PAPPA2: variants seen among roughly 807,000 people sequenced by gnomAD.
PAPPA2 encodes pappalysin 2.
Under a neutral mutation model 176.4 loss-of-function variants are expected in PAPPA2, and 86 were observed. That is an observed-to-expected ratio of 0.49 (90% CI 0.41 to 0.58). The LOEUF (loss-of-function observed/expected upper bound fraction) is 0.58. PAPPA2 is among the 20% of genes least tolerant of loss of function. The pLI is 0.00. For synonymous variants in PAPPA2, 809 were observed against 852.2 expected, an observed-to-expected ratio of 0.95 and a Z score of 0.88; for missense variants, 2,073 against 2,256.9, an observed-to-expected ratio of 0.92 and a Z score of 1.65.
chr1:176,764,258 T>C (rs1229393250), intron 14 of PAPPA2, among the ~76,000 whole-genome samples: 1 of 152,112 alleles, frequency 6.6e-6, no homozygotes, highest in Non-Finnish European at 1.5e-5. Flanking sequence ...ATCCAAACCA[T>C]AGCAGAAGGC....
rs1667633830 is a variant in PAPPA2, at chr1:176,845,599, A to T, written c.*3145A>T. The T allele has an allele frequency of 2.0e-5, 3 of 152,198 alleles. No individual in the cohort carries two copies. In the South Asian group the frequency reaches 6.2e-4, roughly 31 times the overall value. 9.4% of individuals were successfully genotyped at this position (152,198 alleles called of 1,614,324 possible). A position where few individuals can be genotyped will look rare whatever the true frequency, so the allele number is the denominator to read the frequency against. On this transcript the variant is annotated 3_prime_UTR_variant, in exon 23 of 23. Transcript: ENST00000367662. ...GTTCATTAAAAAATCAGCACACAAA[A>T]TATGAAGTGTCTTTGGTGTTTGACT...
chr1:176,570,076 C>T (rs779022574), intron 2 of PAPPA2, among the ~76,000 whole-genome samples: 1 of 152,180 alleles, frequency 6.6e-6, no homozygotes, highest in Non-Finnish European at 1.5e-5. Flanking sequence ...TTTGCTTCTT[C>T]TAGGTTGTCT....
At chr1:176,604,854 A>C (rs1047067629) in intron 3 of PAPPA2, among the ~76,000 whole-genome samples, 2 of 152,222 alleles carry the variant, frequency 1.3e-5, no homozygotes, top group Admixed American at 6.5e-5. Context: ...AATGTAGGGC[A>C]AGGGTTTTAG....
chr1:176,745,063 G>A (rs1662845381), intron 14 of PAPPA2, among the ~76,000 whole-genome samples: 2 of 152,104 alleles, frequency 1.3e-5, no homozygotes, highest in African/African-American at 4.8e-5. Context: ...TGCCAATCAG[G>A]TGTGCTAGTT....
intron 21 of PAPPA2, among the ~76,000 whole-genome samples, chr1:176,824,140 T>A (rs1666769078): frequency 6.6e-6 from 1 of 152,222 alleles, no homozygotes; most frequent in Non-Finnish European, 1.5e-5. Context: ...ACTGTCTCAG[T>A]TTGCTCTGAA....
At chr1:176,652,305 A>T (rs903950357) in intron 3 of PAPPA2, among the ~76,000 whole-genome samples, 2 of 151,484 alleles carry the variant, frequency 1.3e-5, no homozygotes, top group African/African-American at 2.4e-5. Flanking sequence ...TTCATATTGG[A>T]TATGTTTGCT....
At chr1:176,545,970 G>A (rs1450050824) in intron 1 of PAPPA2, among the ~76,000 whole-genome samples, 3 of 152,146 alleles carry the variant, frequency 2.0e-5, no homozygotes, top group Admixed American at 1.3e-4. Flanking sequence ...TTACCAAACT[G>A]AGGAAGGTGG....
intron 17 of PAPPA2, among the ~76,000 whole-genome samples, chr1:176,788,104 T>A (rs1665023162): frequency 6.6e-6 from 1 of 152,172 alleles, no homozygotes; most frequent in Non-Finnish European, 1.5e-5. Context: ...TTCATTAGTA[T>A]TATAATGATT....
At chr1:176,817,093 G>C (rs1666437396) in intron 21 of PAPPA2, among the ~76,000 whole-genome samples, 2 of 152,112 alleles carry the variant, frequency 1.3e-5, no homozygotes, top group South Asian at 4.1e-4. Flanking sequence ...AGCGCTAGGG[G>C]ATCAGAGAAA....
chr1:176,820,707 T>C lies in PAPPA2; in HGVS notation c.5203-19466T>C, dbSNP rs183331705. Among the ~76,000 whole-genome samples, 6 of 152,272 alleles carry C rather than the reference T, an allele frequency of 3.9e-5. No individual in the cohort carries two copies. The East Asian group carries it at 1.2e-3, about 29-fold the overall frequency. On this transcript the variant is annotated intron_variant, in intron 21 of 22. Transcript: ENST00000367662. ...TTTCCCATCTCCTACACCCACAGCA[T>C]GTGCAAATTCTCTCCTGATTCATAC...
chr1:176,688,602 G>A (rs1205845608), intron 4 of PAPPA2, among the ~76,000 whole-genome samples: 1 of 152,230 alleles, frequency 6.6e-6, no homozygotes, highest in African/African-American at 2.4e-5. Context: ...ACCATAAGTA[G>A]TAGAAATAAT....
At chr1:176,640,201 T>G (rs1411480284) in intron 3 of PAPPA2, among the ~76,000 whole-genome samples, 1 of 151,090 alleles carries the variant, frequency 6.6e-6, no homozygotes, top group Admixed American at 6.6e-5. Flanking sequence ...ATTTATTTAT[T>G]ATTATTATAC....
At chr1:176,786,175 T>G (rs1664926873) in intron 17 of PAPPA2, among the ~76,000 whole-genome samples, 1 of 152,166 alleles carries the variant, frequency 6.6e-6, no homozygotes. Context: ...GGAGCCTCGT[T>G]AGAGTAAAAA....
At chr1:176,634,795 GAGAGAGATAGAT>G (rs1201694705) in intron 3 of PAPPA2, among the ~76,000 whole-genome samples, 1,222 of 103,892 alleles carry the variant, frequency 0.012, 9 homozygotes, top group East Asian at 0.022. Context: ...AATTTCCAAG[GAGAGAGATAGAT>G]AGATAGATAG....
At chr1:176,821,276 T>C (rs551800569) in intron 21 of PAPPA2, among the ~76,000 whole-genome samples, 1 of 152,294 alleles carries the variant, frequency 6.6e-6, no homozygotes, top group African/African-American at 2.4e-5. Context: ...TACAATCATA[T>C]GAATAAGGGC....
intron 17 of PAPPA2, among the ~76,000 whole-genome samples, chr1:176,782,097 C>A (rs1489203949): frequency 3.9e-5 from 6 of 152,150 alleles, no homozygotes; most frequent in Non-Finnish European, 8.8e-5. Flanking sequence ...TTGGTAGAAA[C>A]CTGAATGCTT....
intron 2 of PAPPA2, among the ~76,000 whole-genome samples, chr1:176,576,900 T>C (rs1652681136): frequency 6.6e-6 from 1 of 152,184 alleles, no homozygotes; most frequent in South Asian, 2.1e-4. Flanking sequence ...TAGAAAATGT[T>C]GCTAAATCAG....
At chr1:176,809,951 A>AGTGTGT (rs55858181) in intron 21 of PAPPA2, among the ~76,000 whole-genome samples, 1,570 of 133,758 alleles carry the variant, frequency 0.012, 19 homozygotes, top group African/African-American at 0.016. Context: ...GACAAGATGC[A>AGTGTGT]GTGTGTGTGT....
At chr1:176,719,674 T>C (rs954294289) in intron 12 of PAPPA2, among the ~76,000 whole-genome samples, 2 of 152,180 alleles carry the variant, frequency 1.3e-5, no homozygotes, top group African/African-American at 4.8e-5. Flanking sequence ...CAGAGTCTCT[T>C]GAATGGCAGT....
Sources: gnomAD v4.1 joint callset for allele counts (sites outside exome capture counted in the v4.1 genomes callset) on GRCh38, gnomAD v4.1.1 for gene constraint, MANE v1.5 for transcripts, NCBI Gene and HGNC (gene_info 2026-07-23, HGNC 2026-07-21) for gene names.